MTCL2: variants seen among roughly 807,000 people sequenced by gnomAD.
The protein encoded by MTCL2 is microtubule crosslinking factor 2.
At chr20:36,809,907 G>C in the MTCL2 span, 1 of 1,520,638 alleles carries the variant, frequency 6.6e-7, no homozygotes, top group Non-Finnish European at 8.9e-7. Flanking sequence ...AGGGCCCATA[G>C]ATCCTCAAGG....
At chr20:36,834,847 C>T in the MTCL2 span, among the ~76,000 whole-genome samples, 19 of 151,910 alleles carry the variant, frequency 1.3e-4, no homozygotes, top group African/African-American at 2.4e-4. Flanking sequence ...ACTAAAAATA[C>T]GAAAATTAGC....
At chr20:36,858,731 T>G in the MTCL2 span, among the ~76,000 whole-genome samples, 3 of 152,194 alleles carry the variant, frequency 2.0e-5, no homozygotes. Context: ...TCTTGTCTAT[T>G]CACACTTCCC....
chr20:36,813,405 T>C, the MTCL2 span, among the ~76,000 whole-genome samples: 2 of 144,266 alleles, frequency 1.4e-5, no homozygotes, highest in Non-Finnish European at 3.0e-5. Context: ...AAAGAAATTA[T>C]GGCACATATC....
the MTCL2 span, among the ~76,000 whole-genome samples, chr20:36,861,803 G>A: frequency 1.3e-5 from 2 of 152,160 alleles, no homozygotes; most frequent in African/African-American, 4.8e-5. Context: ...GATGGAGCCC[G>A]GCTGGCACCC....
At chr20:36,804,304 C>T in the MTCL2 span, among the ~76,000 whole-genome samples, 1 of 152,206 alleles carries the variant, frequency 6.6e-6, no homozygotes, top group African/African-American at 2.4e-5. Context: ...AGGCACACAG[C>T]AGACACCAAA....
the MTCL2 span, among the ~76,000 whole-genome samples, chr20:36,833,054 T>C: frequency 6.6e-6 from 1 of 152,140 alleles, no homozygotes; most frequent in East Asian, 1.9e-4. Context: ...ATTATCCCCA[T>C]TCTGAGGCTC....
At chr20:36,792,369 CAT>C in the MTCL2 span, among the ~76,000 whole-genome samples, 1 of 152,070 alleles carries the variant, frequency 6.6e-6, no homozygotes, top group Non-Finnish European at 1.5e-5. Flanking sequence ...ATTAGCCGGG[CAT>C]GGTGGCAGGT....
the MTCL2 span, chr20:36,817,417 G>A: frequency 6.3e-7 from 1 of 1,593,012 alleles, no homozygotes; most frequent in Non-Finnish European, 8.5e-7. Context: ...CTGCACCAAA[G>A]TCTTCTTATC....
the MTCL2 span, among the ~76,000 whole-genome samples, chr20:36,838,005 G>A: frequency 6.6e-6 from 1 of 151,692 alleles, no homozygotes; most frequent in Non-Finnish European, 1.5e-5. Context: ...TTGGAGCCAA[G>A]ATTTAAACCA....
the MTCL2 span, among the ~76,000 whole-genome samples, chr20:36,849,523 C>T: frequency 2.0e-5 from 3 of 152,062 alleles, no homozygotes; most frequent in African/African-American, 7.3e-5. Flanking sequence ...TAGCCTTGAC[C>T]TCTTGGACTA....
the MTCL2 span, among the ~76,000 whole-genome samples, chr20:36,846,872 T>C: frequency 6.6e-6 from 1 of 152,142 alleles, no homozygotes; most frequent in Non-Finnish European, 1.5e-5. Flanking sequence ...TAGCCAGGCT[T>C]GGTGGCGTGT....
At chr20:36,812,921 C>G in the MTCL2 span, 1 of 1,518,458 alleles carries the variant, frequency 6.6e-7, no homozygotes, top group Non-Finnish European at 8.8e-7. Flanking sequence ...AAACACCCAC[C>G]CCAGGCCTCT....
the MTCL2 span, among the ~76,000 whole-genome samples, chr20:36,844,402 AT>A: frequency 1.2e-3 from 142 of 115,102 alleles, no homozygotes; most frequent in African/African-American, 2.9e-3. Context: ...CAAAAAAAAA[AT>A]AATAATAATA....
the MTCL2 span, among the ~76,000 whole-genome samples, chr20:36,840,359 G>A: frequency 4.0e-5 from 6 of 151,030 alleles, no homozygotes; most frequent in Non-Finnish European, 5.9e-5. Context: ...TAGTAGAGAC[G>A]GGGTTTCACC....
the MTCL2 span, among the ~76,000 whole-genome samples, chr20:36,792,154 A>G: frequency 6.6e-6 from 1 of 152,110 alleles, no homozygotes; most frequent in Non-Finnish European, 1.5e-5. Context: ...AGTGTTTACC[A>G]ATTTTTATGC....
chr20:36,844,772 C>T, the MTCL2 span, among the ~76,000 whole-genome samples: 1 of 151,866 alleles, frequency 6.6e-6, no homozygotes, highest in Non-Finnish European at 1.5e-5. Context: ...GTAATCCCAG[C>T]ACTATGGGGA....
the MTCL2 span, among the ~76,000 whole-genome samples, chr20:36,813,664 C>T: frequency 1.5e-5 from 2 of 135,828 alleles, no homozygotes; most frequent in African/African-American, 2.7e-5. Context: ...TTCAGCTACC[C>T]GGAAGGCGGA....
chr20:36,852,003 C>T, the MTCL2 span, among the ~76,000 whole-genome samples: 1 of 152,176 alleles, frequency 6.6e-6, no homozygotes, highest in Non-Finnish European at 1.5e-5. Flanking sequence ...AGTCCCAGCC[C>T]AGCAACACCC....
At chr20:36,809,716 C>T in the MTCL2 span, among the ~76,000 whole-genome samples, 139 of 151,946 alleles carry the variant, frequency 9.1e-4, 2 homozygotes, top group South Asian at 0.028. Context: ...GCTGGGATTA[C>T]AGGCGTGCTA....
Sources: gnomAD v4.1 joint callset for allele counts (sites outside exome capture counted in the v4.1 genomes callset) on GRCh38, gnomAD v4.1.1 for gene constraint, MANE v1.5 for transcripts, NCBI Gene and HGNC (gene_info 2026-07-23, HGNC 2026-07-21) for gene names.